The following SND1 variants were observed in gnomAD, a reference collection of about 807,000 sequenced individuals.
The protein encoded by SND1 is staphylococcal nuclease domain-containing protein 1.
Under a neutral mutation model 121.7 loss-of-function variants are expected in SND1, and 38 were observed. The observed-to-expected ratio is 0.31, with a 90% CI of 0.24 to 0.41. The LOEUF (loss-of-function observed/expected upper bound fraction) is 0.41. Ranked by LOEUF, SND1 falls within the 10% of genes least tolerant of loss-of-function variation. SND1 has a pLI of 1.00. For missense variants in SND1, 868 were observed against 1,184.6 expected (o/e 0.73, Z 3.92); for synonymous variants, 401 against 447.4 (o/e 0.90, Z 1.31).
At chr7:127,790,735 C>T (rs1440507413) in intron 10 of SND1, among the ~76,000 whole-genome samples, 4 of 152,124 alleles carry the variant, frequency 2.6e-5, no homozygotes, top group African/African-American at 4.8e-5. Context: ...AGATGTATTA[C>T]GAGAATACAG....
chr7:127,878,193 G>A (rs532585985), intron 12 of SND1, among the ~76,000 whole-genome samples: 1 of 152,242 alleles, frequency 6.6e-6, no homozygotes, highest in East Asian at 1.9e-4. Flanking sequence ...TTAATGCACA[G>A]TCATTGTTCC....
Position 128,081,228 on chromosome 7 carries a change from C to A in SND1, c.1969-132C>A, listed in dbSNP as rs1793595882. 5.7e-6 allele frequency: 6 copies of A among 1,058,432 alleles called. No homozygotes were observed. The African/African-American group carries it at 7.9e-5, about 14-fold the overall frequency. 65.6% of individuals were successfully genotyped at this position (1,058,432 alleles called of 1,614,324 possible). On this transcript the variant is annotated intron_variant, in intron 17 of 23. Transcript: ENST00000354725. ...GGCCAGTCTGGTCTTGAACTCCTAA[C>A]CTCGTGATCCACCCGCCTCGGCCTC... is the stretch of plus-strand genomic sequence containing the variant.
At chr7:127,865,971 C>G (rs1584628150) in intron 12 of SND1, among the ~76,000 whole-genome samples, 1 of 149,284 alleles carries the variant, frequency 6.7e-6, no homozygotes, top group African/African-American at 2.5e-5. Context: ...TCATCTTACT[C>G]TCATTTCATA....
In SND1 at chr7:127,985,048, C is replaced by T. The variant is rs541376680; in HGVS notation, c.1670-5899C>T. ...TTGAATAGAGCTGTTTTTCCTATTGCTGGCCTGACTGCACATTTGCTACCC... is the reference window on the plus strand; with the variant it reads ...TTGAATAGAGCTGTTTTTCCTATTGTTGGCCTGACTGCACATTTGCTACCC... On this transcript the variant is annotated intron_variant, in intron 15 of 23. Coordinates refer to ENST00000354725, the MANE Select transcript of SND1 (RefSeq NM_014390.4). 3.9e-5 allele frequency among the ~76,000 whole-genome samples: 6 copies of T among 152,342 alleles called. No homozygotes were observed. In the East Asian group the frequency reaches 1.2e-3, roughly 29 times the overall value.
chr7:128,053,482 G>A (rs1793081484), intron 16 of SND1, among the ~76,000 whole-genome samples: 1 of 152,172 alleles, frequency 6.6e-6, no homozygotes, highest in South Asian at 2.1e-4. Context: ...AATGGTGCAG[G>A]AGGCCAGAGA....
At chr7:127,699,099 G>C (rs919668671) in intron 4 of SND1, 146 bp downstream of exon 4, 5 of 655,408 alleles carry the variant, frequency 7.6e-6, no homozygotes, top group Non-Finnish European at 1.4e-5. Flanking sequence ...TTCTGAGCTA[G>C]GAAGTCACTC....
At chr7:127,755,707 C>T (rs573162300) in intron 10 of SND1, among the ~76,000 whole-genome samples, 5 of 152,290 alleles carry the variant, frequency 3.3e-5, no homozygotes, top group African/African-American at 9.6e-5. Flanking sequence ...GTGGTGACTC[C>T]GTTTGAAAGC....
chr7:128,034,464 C>T (rs1189067305), intron 16 of SND1, among the ~76,000 whole-genome samples: 2 of 152,084 alleles, frequency 1.3e-5, no homozygotes, highest in African/African-American at 4.8e-5. Flanking sequence ...TGGATGGCAG[C>T]GATTAAGTAT....
At chr7:127,887,761 A>C in intron 12 of SND1, 141 bp from the exon 13 acceptor site, 1 of 544,278 alleles carries the variant, frequency 1.8e-6, no homozygotes, top group Non-Finnish European at 3.3e-6. Flanking sequence ...CTAGCTTAGC[A>C]ACTCATAGGT....
chr7:127,805,356 A>G (rs1302751625), intron 10 of SND1, among the ~76,000 whole-genome samples: 2 of 152,216 alleles, frequency 1.3e-5, no homozygotes, highest in Non-Finnish European at 2.9e-5. Flanking sequence ...TATCTGGAGT[A>G]TGTTGATTTC....
rs142682147 is a variant in SND1 at position 127,817,046 on chromosome 7, T to C, written c.1242+9473T>C. 9.8e-4 allele frequency among the ~76,000 whole-genome samples: 149 copies of C among 152,310 alleles called. 1 individual carries two copies. Among genetic ancestry groups the C allele is most frequent in the African/African-American group, 3.4e-3 (143 of 41,574 alleles). On this transcript the variant is annotated intron_variant, in intron 11 of 23. Coordinates refer to ENST00000354725, the MANE Select transcript of SND1 (RefSeq NM_014390.4). ...TTGGGGATAGAGCCTATTTTTATAG[T>C]ACTAATATTTTAGAAAACACACATA...
chr7:127,732,940 G>A (rs1007292913), intron 10 of SND1, among the ~76,000 whole-genome samples: 3 of 152,092 alleles, frequency 2.0e-5, no homozygotes, highest in Non-Finnish European at 4.4e-5. Flanking sequence ...AAATAGTGGC[G>A]GGAGGTTTCA....
chr7:127,937,893 C>T (rs1223876024), intron 15 of SND1, among the ~76,000 whole-genome samples: 1 of 152,382 alleles, frequency 6.6e-6, no homozygotes, highest in African/African-American at 2.4e-5. Flanking sequence ...TCTGCTATCA[C>T]AGAGGTGCTA....
intron 21 of SND1, among the ~76,000 whole-genome samples, chr7:128,088,602 G>A (rs1793725597): frequency 1.3e-5 from 2 of 151,622 alleles, no homozygotes; most frequent in Admixed American, 1.3e-4. Context: ...ATAAGTGCCC[G>A]CCACCACGCC....
chr7:127,724,023 G>T (rs1211764426), intron 10 of SND1, among the ~76,000 whole-genome samples: 1 of 152,136 alleles, frequency 6.6e-6, no homozygotes, highest in Non-Finnish European at 1.5e-5. Flanking sequence ...TGAGGCTAGT[G>T]GCTACCATTA....
chr7:127,658,218 G>A (rs1482044305), intron 1 of SND1, among the ~76,000 whole-genome samples: 1 of 152,208 alleles, frequency 6.6e-6, no homozygotes, highest in East Asian at 1.9e-4. Flanking sequence ...CGGAGGCTGA[G>A]GCAGGAGAAT....
At position 127,868,823 on chromosome 7, in the gene SND1, G is replaced by C. The variant is rs370871934; in HGVS notation, c.1344-19079G>C. Among the ~76,000 whole-genome samples the C allele has an allele frequency of 3.9e-5, 6 of 152,082 alleles. No homozygotes were observed. The South Asian group carries it at 1.0e-3, about 26-fold the overall frequency. Reference sequence around the variant, plus strand: ...TCTTAGGCCACATGAACATTATATGGTTGTTTTATTTTTTTTAACTTTAGT... The same window carrying C: ...TCTTAGGCCACATGAACATTATATGCTTGTTTTATTTTTTTTAACTTTAGT... On this transcript the variant is annotated intron_variant, in intron 12 of 23. Coordinates refer to ENST00000354725, the MANE Select transcript of SND1 (RefSeq NM_014390.4).
chr7:127,844,017 C>T (rs940440897), intron 11 of SND1, among the ~76,000 whole-genome samples: 2 of 152,124 alleles, frequency 1.3e-5, no homozygotes, highest in African/African-American at 4.8e-5. Context: ...TCTTATTTGC[C>T]ACTTGTATGT....
rs190006689 is a variant in SND1, at chr7:127,822,271, T to A, written c.1242+14698T>A. 1.6e-3 allele frequency among the ~76,000 whole-genome samples: 237 copies of A among 152,330 alleles called. 1 individual carries two copies. Among genetic ancestry groups the A allele is most frequent in the Admixed American group, 0.011 (171 of 15,296 alleles). ...ACATATACTAGCATCATAAATAAGT[T>A]TAAATTTCATACATACCACCAAAAA... On this transcript the variant is annotated intron_variant, in intron 11 of 23. Coordinates refer to ENST00000354725, the MANE Select transcript of SND1 (RefSeq NM_014390.4).
Sources: gnomAD v4.1 joint callset for allele counts (sites outside exome capture counted in the v4.1 genomes callset) on GRCh38, gnomAD v4.1.1 for gene constraint, MANE v1.5 for transcripts, NCBI Gene and HGNC (gene_info 2026-07-23, HGNC 2026-07-21) for gene names.